XPO7: variants seen among roughly 807,000 people sequenced by gnomAD.
XPO7 encodes exportin-7.
In XPO7, 21 loss-of-function variants were observed where a neutral mutation model predicts 144.3. That is an observed-to-expected ratio of 0.15 (90% CI 0.10 to 0.21). The LOEUF (loss-of-function observed/expected upper bound fraction) is 0.21, where lower values mean the gene tolerates loss of function less well. Among genes scored for constraint, XPO7 ranks in the 10% least tolerant of loss-of-function variants. XPO7 has a pLI of 1.00. For missense variants in XPO7, 808 were observed against 1,325.8 expected, an observed-to-expected ratio of 0.61 and a Z score of 6.06; for synonymous variants, 580 against 499.6, an observed-to-expected ratio of 1.16 and a Z score of -2.15.
intron 1 of XPO7, among the ~76,000 whole-genome samples, chr8:21,924,761 A>G (rs1810405245): frequency 6.6e-6 from 1 of 152,184 alleles, no homozygotes; most frequent in Non-Finnish European, 1.5e-5. Context: ...TTATTGAGAA[A>G]CTGATTTACA....
Position 21,998,798 on chromosome 8 carries a change from T to G in XPO7, c.2389T>G (p.Leu797Val). 6.2e-7 allele frequency: 1 copy of G among 1,613,996 alleles called. No homozygotes were observed. Among genetic ancestry groups the G allele is most frequent in the Non-Finnish European group, 8.5e-7 (1 of 1,179,892 alleles). The change falls in exon 22 of 28, where the codon TTA becomes GTA. Residue 797 changes from leucine (L) to valine (V), a missense_variant. By Grantham distance (32) the Leu-to-Val change is conservative. This residue lies in a region of XPO7 where 416 missense variants were observed against 612.5 expected (regional missense o/e 0.68). Coordinates refer to ENST00000252512, the MANE Select transcript of XPO7 (RefSeq NM_015024.5). ...TGATGTCTCTTCCCCCAATGGCATCTTACTCTTCCGAGAAACCAGCAAGAT... is the reference window on the plus strand; with the variant it reads ...TGATGTCTCTTCCCCCAATGGCATCGTACTCTTCCGAGAAACCAGCAAGAT... ...QFDVSSPNGILLFRETSKMIT... is the reference protein window; with the variant it reads ...QFDVSSPNGIVLFRETSKMIT...
At position 21,976,499 on chromosome 8, in the gene XPO7, G is replaced by A. The variant is rs1273186869; in HGVS notation, c.741G>A (p.Gln247=). Residue 247 remains glutamine (Q), a synonymous_variant, in exon 7 of 28, where the codon CAG becomes CAA. Coordinates refer to ENST00000252512, the MANE Select transcript of XPO7 (RefSeq NM_015024.5). ...DESSDDLCTV[Q]IPTSWRSAFL... ...CCTCAGACGACCTGTGTACAGTGCAGATTCCCACCAGCTGGAGATCAGGTA... is the reference window on the plus strand; with the variant it reads ...CCTCAGACGACCTGTGTACAGTGCAAATTCCCACCAGCTGGAGATCAGGTA... The A allele has an allele frequency of 3.1e-6, 5 of 1,612,526 alleles. No homozygotes were observed. In the South Asian group the frequency reaches 5.5e-5, roughly 18 times the overall value.
chr8:21,969,963 C>G, intron 3 of XPO7, 181 bp from the exon 4 acceptor site: 1 of 687,180 alleles, frequency 1.5e-6, no homozygotes. Flanking sequence ...AATTAGAACA[C>G]CTACTAATCT....
At chr8:21,922,944 T>A (rs2117231694) in intron 1 of XPO7, among the ~76,000 whole-genome samples, 1 of 152,280 alleles carries the variant, frequency 6.6e-6, no homozygotes, top group South Asian at 2.1e-4. Flanking sequence ...CCAGTGTAAC[T>A]CCAGGGAGTT....
chr8:21,981,595 T>G, intron 9 of XPO7, 136 bp from the exon 10 acceptor site: 1 of 1,063,654 alleles, frequency 9.4e-7, no homozygotes. Flanking sequence ...AGACGTATCA[T>G]TCTGAATCAT....
chr8:22,002,043 A>G, intron 24 of XPO7, 69 bp from the exon 25 acceptor site: 1 of 1,523,346 alleles, frequency 6.6e-7, no homozygotes, highest in Non-Finnish European at 8.8e-7. Flanking sequence ...GATCTCACCC[A>G]AAGATAGTCC....
In XPO7 at chr8:21,990,847, T is replaced by A; in HGVS notation, c.1969T>A (p.Ser657Thr). The stretch of plus-strand genomic sequence containing the variant: ...TTCATTTTTGGGTATTAACAATCAG[T>A]CCAACCTGACAGACATGCGGTGTCG... ...HFSFLGINNQ[S>T]NLTDMRCRTT... is the part of the protein sequence containing the mutation. The change falls in exon 18 of 28, where the codon TCC becomes ACC. Residue 657 changes from serine (S) to threonine (T), a missense_variant. By Grantham distance (58) the Ser-to-Thr change is moderately conservative. Coordinates refer to ENST00000252512, the MANE Select transcript of XPO7 (RefSeq NM_015024.5). 9.9e-6 allele frequency: 16 copies of A among 1,613,990 alleles called. No homozygotes were observed. The highest frequency in any genetic ancestry group is 1.4e-5 in the Non-Finnish European group (16 of 1,179,874).
chr8:22,004,733 G>A (rs189072160), intron 27 of XPO7, among the ~76,000 whole-genome samples: 228 of 151,860 alleles, frequency 1.5e-3, no homozygotes, highest in African/African-American at 5.1e-3. Context: ...CTGCCCTCAC[G>A]TGTGAGGGCA....
In XPO7 at chr8:21,925,492, T is replaced by C. The variant is rs914244102; in HGVS notation, c.18+5704T>C. ...AGCTGATTAAAAGACCTGGTATCCC[T>C]GGAAGACTGGAGAACTCGCTGTTGG... is the stretch of plus-strand genomic sequence containing the variant. On this transcript the variant is annotated intron_variant, in intron 1 of 27. Transcript: ENST00000252512. Among the ~76,000 whole-genome samples the C allele has an allele frequency of 3.3e-5, 5 of 152,222 alleles. No individual in the cohort carries two copies. The East Asian group carries it at 9.6e-4, about 29-fold the overall frequency.
At chr8:21,960,208 A>G (rs539546127) in intron 1 of XPO7, among the ~76,000 whole-genome samples, 1 of 152,352 alleles carries the variant, frequency 6.6e-6, no homozygotes, top group Admixed American at 6.5e-5. Flanking sequence ...CTGGAAAACC[A>G]GATAGTGTGA....
At chr8:21,953,849 GGTTT>G (rs1196246460) in intron 1 of XPO7, among the ~76,000 whole-genome samples, 13 of 151,872 alleles carry the variant, frequency 8.6e-5, no homozygotes, top group African/African-American at 3.1e-4. Flanking sequence ...TTTTTTAATT[GGTTT>G]GTTTTCTTAT....
chr8:21,942,028 C>T (rs2117269517), intron 1 of XPO7, among the ~76,000 whole-genome samples: 1 of 152,250 alleles, frequency 6.6e-6, no homozygotes, highest in East Asian at 1.9e-4. Context: ...GGTTACTTAA[C>T]ATCAGGGAGG....
chr8:21,982,762 C>T lies in XPO7; in HGVS notation c.1227C>T (p.Val409=). The part of the protein sequence containing the change: ...PHMLETYTPE[V]TKAYITSRLE... ...TGCTGGAAACTTACACTCCTGAGGT[C>T]ACCAAAGCCTACATCACATCCCGGT... is the stretch of plus-strand genomic sequence containing the variant. The change falls in exon 11 of 28, where the codon GTC becomes GTT. Residue 409 remains valine, a synonymous_variant. Transcript: ENST00000252512. The T allele has an allele frequency of 6.2e-7, 1 of 1,613,712 alleles. No homozygotes were observed. Among genetic ancestry groups the T allele is most frequent in the Non-Finnish European group, 8.5e-7 (1 of 1,179,804 alleles).
In XPO7 at chr8:21,969,666, A is replaced by G. The variant is rs746372424; in HGVS notation, c.259+90A>G. 14 of 1,173,000 alleles carry G rather than the reference A, an allele frequency of 1.2e-5. No homozygotes were observed. Among genetic ancestry groups the G allele is most frequent in the Non-Finnish European group, 1.7e-5 (14 of 819,954 alleles). 72.7% of individuals were successfully genotyped at this position (1,173,000 alleles called of 1,614,324 possible). ...GTCAAATGTACGTGTTTGTTCAATG[A>G]TATGCTGAGATTGCTAACCATACAA... On this transcript the variant is annotated intron_variant, in intron 3 of 27. Transcript: ENST00000252512.
At chr8:21,995,136 G>A (rs1263929764) in intron 20 of XPO7, among the ~76,000 whole-genome samples, 4 of 152,010 alleles carry the variant, frequency 2.6e-5, no homozygotes, top group Non-Finnish European at 5.9e-5. Flanking sequence ...TCATACCCTT[G>A]TGAAGATTAT....
Position 22,006,118 on chromosome 8 carries a change from C to T in XPO7, c.*1030C>T. ...GCGTGTGGATATTTATATATGTACCCTGCACTCATGAATGTATGAACTGGA... is the reference window on the plus strand; with the variant it reads ...GCGTGTGGATATTTATATATGTACCTTGCACTCATGAATGTATGAACTGGA... On this transcript the variant is annotated 3_prime_UTR_variant, in exon 28 of 28. Transcript: ENST00000252512. 1 of 152,180 alleles carries T rather than the reference C, an allele frequency of 6.6e-6. No homozygotes were observed. The highest frequency in any genetic ancestry group is 1.9e-4 in the East Asian group (1 of 5,204). 9.4% of individuals were successfully genotyped at this position (152,180 alleles called of 1,614,324 possible). A position where few individuals can be genotyped will look rare whatever the true frequency, so the allele number is the denominator to read the frequency against.
chr8:22,003,340 G>T, intron 26 of XPO7, 23 bp downstream of exon 26: 1 of 1,586,202 alleles, frequency 6.3e-7, no homozygotes, highest in South Asian at 1.1e-5. Context: ...GCTCCCTGGT[G>T]CCAACCCAGA....
intron 7 of XPO7, among the ~76,000 whole-genome samples, chr8:21,977,343 G>A (rs1812257879): frequency 6.6e-6 from 1 of 152,238 alleles, no homozygotes; most frequent in Admixed American, 6.5e-5. Flanking sequence ...CACTTTGGGA[G>A]GCCGAGGCAG....
chr8:21,933,599 C>T (rs1460277099), intron 1 of XPO7, among the ~76,000 whole-genome samples: 1 of 152,146 alleles, frequency 6.6e-6, no homozygotes, highest in Non-Finnish European at 1.5e-5. Flanking sequence ...ATTCTATTAA[C>T]ACTGTAACAT....
Sources: allele counts gnomAD v4.1 joint callset (sites outside exome capture counted in the v4.1 genomes callset), GRCh38; gene constraint gnomAD v4.1.1; regional missense constraint gnomAD v4.1.1; transcripts MANE v1.5; gene names NCBI Gene and HGNC (gene_info 2026-07-23, HGNC 2026-07-21).